The following PCDHGA10 variants were observed in gnomAD, a reference collection of about 807,000 sequenced individuals.
PCDHGA10 encodes protocadherin gamma-A10.
PCDHGA10 carries 42 observed loss-of-function variants against 59.5 expected under a neutral mutation model. The observed-to-expected ratio is 0.71, with a 90% CI of 0.55 to 0.91. PCDHGA10 has a LOEUF of 0.91. Ranked by LOEUF, PCDHGA10 falls within the 40% of genes least tolerant of loss-of-function variation. The pLI is 0.00. For missense variants in PCDHGA10, 1,111 were observed against 1,198.2 expected (o/e 0.93, Z 1.07); for synonymous variants, 511 against 517.2 (o/e 0.99, Z 0.16).
At chr5:141,504,476 A>G (rs998883721) in intron 2 of PCDHGA10, among the ~76,000 whole-genome samples, 4 of 152,016 alleles carry the variant, frequency 2.6e-5, no homozygotes, top group African/African-American at 9.7e-5. Context: ...GGATGGGAGT[A>G]CAGTGGAGGC....
In PCDHGA10 at chr5:141,432,126, C is replaced by G. The variant is rs750150518; in HGVS notation, c.2436+16515C>G. 12 of 1,614,026 alleles carry G rather than the reference C, an allele frequency of 7.4e-6. No homozygotes were observed. Among genetic ancestry groups the G allele is most frequent in the South Asian group, 4.4e-5 (4 of 91,062 alleles). On this transcript the variant is annotated intron_variant, in intron 1 of 3. Transcript: ENST00000398610. The surrounding 1 kb of genome is among the most constrained non-coding windows in gnomAD (Gnocchi z 6.0). ...AACCCGCCGGTCTTCCCTCAGGCCT[C>G]CTATTCCGCTTATATCCCAGAGAAC...
rs757926227 is a variant in PCDHGA10, at chr5:141,432,889, G to A, written c.2436+17278G>A. 1.6e-5 allele frequency: 26 copies of A among 1,614,180 alleles called. No individual in the cohort carries two copies. In the East Asian group the frequency reaches 5.8e-4, roughly 36 times the overall value. On this transcript the variant is annotated intron_variant, in intron 1 of 3. Transcript: ENST00000398610. This position sits in a 1 kb window ranked among gnomAD's most constrained non-coding sequence, Gnocchi z 6.0. ...GCGTCTTCCTGGCCTTCGTCATCTT[G>A]CTGCTGGCGCTCAGGCTGCGGCGCT...
At position 141,486,493 on chromosome 5, in the gene PCDHGA10, T is replaced by C. The variant is rs761905572; in HGVS notation, c.2437-8314T>C. The C allele has an allele frequency of 1.2e-6, 2 of 1,614,136 alleles. No homozygotes were observed. The highest frequency in any genetic ancestry group is 1.7e-6 in the Non-Finnish European group (2 of 1,179,960). Reference sequence around the variant, plus strand: ...ACCCTCCTCTCAGTACCCACAGAACTATTTTCCTCAATATTTCAGATGTGA... The same window carrying C: ...ACCCTCCTCTCAGTACCCACAGAACCATTTTCCTCAATATTTCAGATGTGA... On this transcript the variant is annotated intron_variant, in intron 1 of 3. Transcript: ENST00000398610. The surrounding 1 kb of genome is among the most constrained non-coding windows in gnomAD (Gnocchi z 5.0).
rs1590066119 is a variant in PCDHGA10, at chr5:141,417,816, C to G, written c.2436+2205C>G. On this transcript the variant is annotated intron_variant, in intron 1 of 3. Transcript: ENST00000398610. ...CTTTTAGCGCGGTAGAGTGCACTTT[C>G]TCCAACTGGAAAAGCGGGGACCCAG... is the stretch of plus-strand genomic sequence containing the variant. 3 of 1,511,044 alleles carry G rather than the reference C, an allele frequency of 2.0e-6. No homozygotes were observed. The East Asian group carries it at 7.4e-5, about 37-fold the overall frequency. 93.6% of individuals were successfully genotyped at this position (1,511,044 alleles called of 1,614,324 possible).
rs1248714579 is a variant in PCDHGA10 at position 141,489,513 on chromosome 5, C to A, written c.2437-5294C>A. The A allele has an allele frequency of 6.2e-7, 1 of 1,614,000 alleles. No homozygotes were observed. Among genetic ancestry groups the A allele is most frequent in the African/African-American group, 1.3e-5 (1 of 74,918 alleles). ...CCCTGGCAGTGAATCAAAAGATTGACCGAGAAAGCCTATGTGGAGCCAGCA... is the reference window on the plus strand; with the variant it reads ...CCCTGGCAGTGAATCAAAAGATTGAACGAGAAAGCCTATGTGGAGCCAGCA... On this transcript the variant is annotated intron_variant, in intron 1 of 3. Coordinates refer to ENST00000398610, the MANE Select transcript of PCDHGA10 (RefSeq NM_018913.3). The surrounding 1 kb of genome is among the most constrained non-coding windows in gnomAD (Gnocchi z 4.5).
At chr5:141,480,935 C>G (rs1297213622) in intron 1 of PCDHGA10, among the ~76,000 whole-genome samples, 1 of 152,092 alleles carries the variant, frequency 6.6e-6, no homozygotes, top group Non-Finnish European at 1.5e-5. Flanking sequence ...GTCCCAGCTA[C>G]TCTAGAGGCT....
Position 141,507,461 on chromosome 5 carries a change from G to A in PCDHGA10, c.2584+1980G>A, listed in dbSNP as rs145114393. On this transcript the variant is annotated intron_variant, in intron 3 of 3. Coordinates refer to ENST00000398610, the MANE Select transcript of PCDHGA10 (RefSeq NM_018913.3). ...AGCTGACGGAAGGACAGAGAGAGAG[G>A]TGGCAGGGACTGCTGGCCTCCTGAG... Among the ~76,000 whole-genome samples the A allele has an allele frequency of 3.8e-3, 581 of 152,330 alleles. 5 individuals are homozygous for A. Among genetic ancestry groups the A allele is most frequent in the African/African-American group, 0.012 (485 of 41,570 alleles).
At chr5:141,456,702 C>T (rs1185842343) in intron 1 of PCDHGA10, among the ~76,000 whole-genome samples, 1 of 152,062 alleles carries the variant, frequency 6.6e-6, no homozygotes, top group Non-Finnish European at 1.5e-5. Flanking sequence ...TGGTGGCTCG[C>T]GCCTGTAATC....
At chr5:141,423,742 A>C in intron 1 of PCDHGA10, 1 of 514,328 alleles carries the variant, frequency 1.9e-6, no homozygotes, top group Non-Finnish European at 2.4e-6. Context: ...CCTGTTATGA[A>C]AACTGTTTGG....
chr5:141,471,046 CTTTTT>C (rs1170588345), intron 1 of PCDHGA10, among the ~76,000 whole-genome samples: 2 of 113,276 alleles, frequency 1.8e-5, no homozygotes, highest in Non-Finnish European at 3.6e-5. Context: ...CCCAAGCCCT[CTTTTT>C]TTTTTTTTTT....
Position 141,454,887 on chromosome 5 carries a change from T to C in PCDHGA10, c.2436+39276T>C, listed in dbSNP as rs1291501766. Among the ~76,000 whole-genome samples, 3 of 138,310 alleles carry C rather than the reference T, an allele frequency of 2.2e-5. No homozygotes were observed. The Admixed American group carries it at 2.3e-4, about 11-fold the overall frequency. 90.7% of individuals were successfully genotyped at this position (138,310 alleles called of 152,430 possible). A position where few individuals can be genotyped will look rare whatever the true frequency, so the allele number is the denominator to read the frequency against. ...CAGTGGCACGATCTTGGCTCACTGC[T>C]AGCACCGCCTCCCGGGTTCACGCCA... On this transcript the variant is annotated intron_variant, in intron 1 of 3. Coordinates refer to ENST00000398610, the MANE Select transcript of PCDHGA10 (RefSeq NM_018913.3).
intron 1 of PCDHGA10, chr5:141,418,394 T>C: frequency 6.2e-7 from 1 of 1,614,020 alleles, no homozygotes; most frequent in Non-Finnish European, 8.5e-7. Flanking sequence ...CGAGTATTTC[T>C]CATTGGTGGA....
chr5:141,471,196 C>T (rs59385734), intron 1 of PCDHGA10: 16,293 of 151,632 alleles, frequency 0.11, 894 homozygotes, highest in South Asian at 0.15. Context: ...ATTACAGGCA[C>T]CCACCCCCAT....
intron 1 of PCDHGA10, among the ~76,000 whole-genome samples, chr5:141,434,571 T>C (rs2154556263): frequency 6.6e-6 from 1 of 152,374 alleles, no homozygotes; most frequent in South Asian, 2.1e-4. Flanking sequence ...GACATGCCCC[T>C]GCTGCAGATA....
chr5:141,489,732 C>CA lies in PCDHGA10; in HGVS notation c.2437-5073dup, dbSNP rs770971020. On this transcript the variant is annotated intron_variant, in intron 1 of 3. Transcript: ENST00000398610. This position sits in a 1 kb window ranked among gnomAD's most constrained non-coding sequence, Gnocchi z 4.5. ...GTGCCCAGGATCCGGATGTGGGCAC[C>CA]AATACTGTGAGCTTTTACACTCTAA... 4.3e-6 allele frequency: 7 copies of CA among 1,614,008 alleles called. No individual in the cohort carries two copies. Among genetic ancestry groups the CA allele is most frequent in the Non-Finnish European group, 5.9e-6 (7 of 1,180,002 alleles).
intron 1 of PCDHGA10, among the ~76,000 whole-genome samples, chr5:141,456,911 C>T (rs1262649726): frequency 2.0e-5 from 3 of 151,928 alleles, no homozygotes; most frequent in Non-Finnish European, 4.4e-5. Flanking sequence ...TGCAGTGAGC[C>T]GAGATCGCAC....
Position 141,511,590 on chromosome 5 carries a change from A to C in PCDHGA10, c.*417A>C, listed in dbSNP as rs2099883868. On this transcript the variant is annotated 3_prime_UTR_variant, in exon 4 of 4. Transcript: ENST00000398610. ...AGTAAGGTGGTTGGGGTGTTGAAGT[A>C]CCAAGTAACCTACAAGCCTCCTAGT... The C allele has an allele frequency of 3.7e-6, 1 of 267,790 alleles. No homozygotes were observed. Among genetic ancestry groups the C allele is most frequent in the Admixed American group, 4.8e-5 (1 of 20,946 alleles). The allele number at this position is 267,790 out of a possible 1,614,324, so 16.6% of individuals were successfully genotyped here.
At chr5:141,453,093 C>A (rs1408495535) in intron 1 of PCDHGA10, among the ~76,000 whole-genome samples, 1 of 151,928 alleles carries the variant, frequency 6.6e-6, no homozygotes, top group African/African-American at 2.4e-5. Context: ...AGTATATTTT[C>A]TGTTGCTTTT....
chr5:141,503,894 T>C (rs898125492), intron 2 of PCDHGA10, among the ~76,000 whole-genome samples: 2 of 152,144 alleles, frequency 1.3e-5, no homozygotes, highest in African/African-American at 4.8e-5. Flanking sequence ...CATGACAAAA[T>C]ATGCACACAC....
Sources: allele counts gnomAD v4.1 joint callset (sites outside exome capture counted in the v4.1 genomes callset), GRCh38; gene constraint gnomAD v4.1.1; non-coding constraint Gnocchi (gnomAD v3.1); transcripts MANE v1.5; gene names NCBI Gene and HGNC (gene_info 2026-07-23, HGNC 2026-07-21).